Variants in AGAP6 observed in about 807,000 individuals in gnomAD.
The protein encoded by AGAP6 is ArfGAP with GTPase domain, ankyrin repeat and PH domain 6, also known as arf-GAP with GTPase, ANK repeat and PH domain-containing protein 6.
AGAP6 carries 29 observed loss-of-function variants against 63.9 expected under a neutral mutation model. That is an observed-to-expected ratio of 0.45 (90% confidence interval 0.34 to 0.62). The LOEUF (loss-of-function observed/expected upper bound fraction) is 0.62. Among genes scored for constraint, AGAP6 ranks in the 20% least tolerant of loss-of-function variants. The pLI, the probability that AGAP6 is intolerant of heterozygous loss-of-function variation, is 0.01. For synonymous variants in AGAP6, 199 were observed against 332.9 expected, an observed-to-expected ratio of 0.60 and a Z score of 4.38; for missense variants, 493 against 884.9, an observed-to-expected ratio of 0.56 and a Z score of 5.62.
intron 5 of AGAP6, 24 bp from the exon 6 acceptor site, chr10:50,004,661 T>A (rs1554863574): frequency 8.3e-7 from 1 of 1,200,470 alleles, no homozygotes. Flanking sequence ...CATCTATTGT[T>A]ATGAATTTTT....
chr10:49,993,910 G>A (rs1201358332), intron 3 of AGAP6, among the ~76,000 whole-genome samples: 8 of 151,896 alleles, frequency 5.3e-5, no homozygotes, highest in Non-Finnish European at 8.8e-5. Context: ...TGACATATTA[G>A]TAGATAACCA....
At chr10:49,989,639 G>A (rs1264768074) in intron 2 of AGAP6, among the ~76,000 whole-genome samples, 2 of 152,088 alleles carry the variant, frequency 1.3e-5, no homozygotes, top group Non-Finnish European at 2.9e-5. Context: ...AAATCAGAAT[G>A]GAGGTTGCCA....
At chr10:49,997,263 GAAAT>G (rs1841526280) in intron 4 of AGAP6, among the ~76,000 whole-genome samples, 1 of 152,072 alleles carries the variant, frequency 6.6e-6, no homozygotes, top group Non-Finnish European at 1.5e-5. Context: ...CAAAGTGTTA[GAAAT>G]ATTTAAGTTA....
At chr10:50,005,885 A>T (rs2132157777) in intron 6 of AGAP6, among the ~76,000 whole-genome samples, 1 of 148,804 alleles carries the variant, frequency 6.7e-6, no homozygotes, top group East Asian at 1.9e-4. Flanking sequence ...TCGCCATTGC[A>T]CCCCAGCCTG....
chr10:50,009,919 G>C lies in AGAP6; in HGVS notation c.1794G>C (p.Glu598Asp), dbSNP rs1842049571. 5 of 1,611,904 alleles carry C rather than the reference G, an allele frequency of 3.1e-6. No individual in the cohort carries two copies. The highest frequency in any genetic ancestry group is 4.2e-6 in the Non-Finnish European group (5 of 1,179,874). The change falls in exon 8 of 8, where the codon GAG (glutamate) becomes GAC (aspartate). Residue 598 changes from glutamate to aspartate, a missense_variant. This residue lies in a region of AGAP6 where 34 missense variants were observed against 82.7 expected (regional missense o/e 0.41). Coordinates refer to ENST00000412531, the MANE Select transcript of AGAP6 (RefSeq NM_001077665.3). ...GQQLLRATADEDLQTAILLLA... is the reference protein window; with the variant it reads ...GQQLLRATADDDLQTAILLLA... ...AGCTGCTGCGGGCCACCGCTGATGAGGACCTGCAGACAGCCATCCTGCTGC... is the reference window on the plus strand; with the variant it reads ...AGCTGCTGCGGGCCACCGCTGATGACGACCTGCAGACAGCCATCCTGCTGC...
At chr10:50,004,845 T>A (rs1841852628) in intron 6 of AGAP6, 125 bp downstream of exon 6, 1 of 866,112 alleles carries the variant, frequency 1.2e-6, no homozygotes, top group South Asian at 1.6e-5. Context: ...TCGAAGCAAA[T>A]TATTTGTATT....
At chr10:50,001,486 C>T (rs1220900620) in intron 4 of AGAP6, among the ~76,000 whole-genome samples, 1 of 101,174 alleles carries the variant, frequency 9.9e-6, no homozygotes, top group Non-Finnish European at 2.1e-5. Flanking sequence ...GTGGCGCGAA[C>T]TCGGCTCACT....
intron 1 of AGAP6, 114 bp from the exon 2 acceptor site, chr10:49,989,194 G>A: frequency 1.3e-6 from 2 of 1,503,070 alleles, no homozygotes; most frequent in Non-Finnish European, 8.9e-7. Flanking sequence ...CTCCCAGGCT[G>A]GCATGGGACC....
intron 5 of AGAP6, among the ~76,000 whole-genome samples, chr10:50,002,710 TTAA>T (rs1305016984): frequency 3.6e-5 from 1 of 28,110 alleles, no homozygotes; most frequent in Non-Finnish European, 7.4e-5. Context: ...ATTTAGAATA[TTAA>T]TGTCTTTATC....
At chr10:49,993,635 G>A (rs1554861492) in intron 3 of AGAP6, among the ~76,000 whole-genome samples, 2 of 152,022 alleles carry the variant, frequency 1.3e-5, no homozygotes, top group Non-Finnish European at 2.9e-5. Flanking sequence ...GGCTAACACA[G>A]TGTAACTCTG....
At chr10:49,992,846 C>G (rs1159525563) in intron 3 of AGAP6, among the ~76,000 whole-genome samples, 1 of 152,128 alleles carries the variant, frequency 6.6e-6, no homozygotes, top group Non-Finnish European at 1.5e-5. Flanking sequence ...ACTACAACCT[C>G]CATCTCCCAG....
chr10:50,004,836 C>T (rs1489639595), intron 6 of AGAP6, 116 bp downstream of exon 6: 17 of 695,090 alleles, frequency 2.4e-5, no homozygotes, highest in Middle Eastern at 4.0e-4. Context: ...ACTAAAATAT[C>T]GAAGCAAATT....
intron 2 of AGAP6, among the ~76,000 whole-genome samples, chr10:49,990,440 G>A (rs570110044): frequency 3.2e-4 from 48 of 152,336 alleles, no homozygotes; most frequent in Admixed American, 6.5e-4. Context: ...GCGAGACTCC[G>A]TCTCACAAAA....
In AGAP6 at chr10:50,009,801, C is replaced by T. The variant is rs542007246; in HGVS notation, c.1676C>T (p.Thr559Met). 11 of 1,612,116 alleles carry T rather than the reference C, an allele frequency of 6.8e-6. No individual in the cohort carries two copies. Among genetic ancestry groups the T allele is most frequent in the South Asian group, 4.4e-5 (4 of 90,994 alleles). Residue 559 changes from threonine to methionine, a missense_variant, in exon 8 of 8, where the codon ACG becomes ATG. This residue lies in a region of AGAP6 where 87 missense variants were observed against 92.9 expected (regional missense o/e 0.94). Transcript: ENST00000412531. ...QGQTKPSEKS[T>M]REEKERWIRS... is the part of the protein sequence containing the mutation. ...CAGACAAAACCCTCAGAAAAGTCCA[C>T]GAGGGAAGAGAAGGAACGGTGGATC...
intron 2 of AGAP6, 26 bp from the exon 3 acceptor site, chr10:49,991,650 T>C (rs782347976): frequency 1.9e-6 from 3 of 1,596,616 alleles, no homozygotes; most frequent in Non-Finnish European, 2.5e-6. Flanking sequence ...TACATCTTTT[T>C]TTCTTTTCTT....
At chr10:49,997,753 C>G (rs77276612) in intron 4 of AGAP6, among the ~76,000 whole-genome samples, 1 of 150,296 alleles carries the variant, frequency 6.7e-6, no homozygotes, top group South Asian at 2.1e-4. Context: ...ATCCGCTGAA[C>G]CCAATTTGTA....
intron 4 of AGAP6, among the ~76,000 whole-genome samples, chr10:49,997,037 T>C (rs1257906174): frequency 6.8e-6 from 1 of 147,528 alleles, no homozygotes; most frequent in Admixed American, 6.8e-5. Flanking sequence ...CAATCTATTA[T>C]ATTTAATCCA....
At chr10:49,989,225 G>A (rs1239092275) in intron 1 of AGAP6, 83 bp from the exon 2 acceptor site, 10 of 1,575,268 alleles carry the variant, frequency 6.3e-6, no homozygotes, top group South Asian at 3.4e-5. Context: ...GGCTCTTGTC[G>A]AATAAGCAGC....
chr10:50,003,923 C>T (rs1225967940), intron 5 of AGAP6, among the ~76,000 whole-genome samples: 1 of 152,230 alleles, frequency 6.6e-6, no homozygotes, highest in Non-Finnish European at 1.5e-5. Context: ...ATAGACATAT[C>T]CATCTCACAT....
Sources: allele counts gnomAD v4.1 joint callset (sites outside exome capture counted in the v4.1 genomes callset), GRCh38; gene constraint gnomAD v4.1.1; regional missense constraint gnomAD v4.1.1; transcripts MANE v1.5; gene names NCBI Gene and HGNC (gene_info 2026-07-23, HGNC 2026-07-21).